Variants in METTL15 observed in about 807,000 individuals in gnomAD.
The protein encoded by METTL15 is 12S rRNA N(4)-cytidine methyltransferase METTL15.
Under a neutral mutation model 38.3 loss-of-function variants are expected in METTL15, and 34 were observed. The ratio of observed to expected loss-of-function variants is 0.89; its 90% CI spans 0.68 to 1.18. The LOEUF (loss-of-function observed/expected upper bound fraction) is 1.18, where lower values mean the gene tolerates loss of function less well. Among genes scored for constraint, METTL15 ranks in the 50% most tolerant of loss-of-function variants. The probability of loss-of-function intolerance (pLI) is 0.00; values close to 1 mark genes in which losing one functional copy is unlikely to be tolerated. For synonymous variants in METTL15, 162 were observed against 170.9 expected (o/e 0.95, Z 0.41); for missense variants, 438 against 498.4 (o/e 0.88, Z 1.15).
chr11:28,319,627 A>G (rs1018577490), intron 6 of METTL15, among the ~76,000 whole-genome samples: 1 of 152,136 alleles, frequency 6.6e-6, no homozygotes. Flanking sequence ...ACTTCTCAGA[A>G]TTTTTGTAAG....
rs191965303 is a variant in METTL15 at position 28,487,635 on chromosome 11, T to A, written c.*425-38843T>A. On this transcript the variant is annotated intron_variant and NMD_transcript_variant, in intron 6 of 7. Transcript: ENST00000532947. ...ATAAAAAAGCTTATTTTAAACTTTTTAAAATTTTTTATTTTAAACTATAAA... is the reference window on the plus strand; with the variant it reads ...ATAAAAAAGCTTATTTTAAACTTTTAAAAATTTTTTATTTTAAACTATAAA... Among the ~76,000 whole-genome samples the A allele has an allele frequency of 3.9e-5, 6 of 152,248 alleles. No individual in the cohort carries two copies. The East Asian group carries it at 9.6e-4, about 24-fold the overall frequency.
At chr11:28,405,980 T>C (rs1850670407) in intron 5 of METTL15, among the ~76,000 whole-genome samples, 1 of 152,218 alleles carries the variant, frequency 6.6e-6, no homozygotes, top group South Asian at 2.1e-4. Flanking sequence ...TCTGTTTTTG[T>C]ACTAGTACCA....
At chr11:28,250,085 T>C (rs758976011) in intron 4 of METTL15, among the ~76,000 whole-genome samples, 1 of 152,108 alleles carries the variant, frequency 6.6e-6, no homozygotes, top group South Asian at 2.1e-4. Context: ...TAGTATTCCT[T>C]GGTCTATATG....
intron 3 of METTL15, among the ~76,000 whole-genome samples, chr11:28,340,465 A>C (rs1849940314): frequency 6.6e-6 from 1 of 152,206 alleles, no homozygotes; most frequent in Non-Finnish European, 1.5e-5. Flanking sequence ...CAAGGAACTT[A>C]AACAAATTTA....
chr11:28,475,409 C>G (rs1436246265), intron 6 of METTL15, among the ~76,000 whole-genome samples: 1 of 152,058 alleles, frequency 6.6e-6, no homozygotes, highest in African/African-American at 2.4e-5. Context: ...TCCAAGATTT[C>G]TACTTACTTA....
At chr11:28,153,747 A>G (rs1850171261) in intron 3 of METTL15, among the ~76,000 whole-genome samples, 1 of 152,152 alleles carries the variant, frequency 6.6e-6, no homozygotes, top group Admixed American at 6.6e-5. Context: ...TAGAAAATCC[A>G]ACAGATAAAA....
At chr11:28,496,252 G>T (rs1007244965) in intron 6 of METTL15, among the ~76,000 whole-genome samples, 4 of 152,178 alleles carry the variant, frequency 2.6e-5, no homozygotes, top group African/African-American at 2.4e-5. Context: ...ATGGTGGCAG[G>T]CAAGAAAGCT....
intron 4 of METTL15, among the ~76,000 whole-genome samples, chr11:28,358,685 T>C (rs1850110541): frequency 6.6e-6 from 1 of 152,200 alleles, no homozygotes; most frequent in South Asian, 2.1e-4. Context: ...TCACAATGTA[T>C]GAATGTCTTA....
downstream of METTL15, among the ~76,000 whole-genome samples, chr11:28,337,838 T>C (rs1029308284): frequency 2.6e-5 from 4 of 152,184 alleles, no homozygotes; most frequent in African/African-American, 9.6e-5. Context: ...AAGGCTATAC[T>C]ATCTAGGTTT....
At chr11:28,132,214 CT>C (rs554421242) in intron 3 of METTL15, among the ~76,000 whole-genome samples, 1 of 152,038 alleles carries the variant, frequency 6.6e-6, no homozygotes, top group South Asian at 2.1e-4. Context: ...AAACGAACCT[CT>C]TTTTTTGCCC....
At chr11:28,449,860 C>G (rs910021502) in intron 6 of METTL15, among the ~76,000 whole-genome samples, 5 of 152,246 alleles carry the variant, frequency 3.3e-5, no homozygotes, top group Non-Finnish European at 7.4e-5. Flanking sequence ...TCCAGCTGTT[C>G]CTGCCAAGGC....
At chr11:28,430,407 G>T (rs868095118) in intron 6 of METTL15, among the ~76,000 whole-genome samples, 1 of 64,018 alleles carries the variant, frequency 1.6e-5, no homozygotes, top group African/African-American at 5.8e-5. Flanking sequence ...CAGCCGCCCC[G>T]TCCGGGAGGT....
intron 3 of METTL15, among the ~76,000 whole-genome samples, chr11:28,180,860 C>T (rs1851257200): frequency 6.6e-6 from 1 of 151,674 alleles, no homozygotes; most frequent in Non-Finnish European, 1.5e-5. Context: ...CTGACAACTG[C>T]CATTAAGTGT....
chr11:28,289,366 T>C (rs1008902884), intron 4 of METTL15, among the ~76,000 whole-genome samples: 1 of 152,168 alleles, frequency 6.6e-6, no homozygotes, highest in Admixed American at 6.6e-5. Flanking sequence ...ACATACCATG[T>C]AAGTAAATAT....
At chr11:28,474,073 A>G (rs1257052347) in intron 6 of METTL15, among the ~76,000 whole-genome samples, 6 of 151,996 alleles carry the variant, frequency 3.9e-5, no homozygotes, top group Admixed American at 3.9e-4. Context: ...CTACTGCCTC[A>G]TCTTGTACAT....
intron 6 of METTL15, among the ~76,000 whole-genome samples, chr11:28,474,867 T>A (rs1851332390): frequency 6.6e-6 from 1 of 152,170 alleles, no homozygotes; most frequent in Non-Finnish European, 1.5e-5. Flanking sequence ...CAGTTACTAA[T>A]GGTGGTACTT....
intron 5 of METTL15, among the ~76,000 whole-genome samples, chr11:28,378,422 G>T (rs925760828): frequency 2.6e-5 from 4 of 152,200 alleles, no homozygotes; most frequent in Non-Finnish European, 1.5e-5. Flanking sequence ...GATTTTCCAG[G>T]TGCCATTCGT....
chr11:28,393,872 A>T (rs549409299), intron 5 of METTL15, among the ~76,000 whole-genome samples: 16 of 152,196 alleles, frequency 1.1e-4, no homozygotes, highest in African/African-American at 3.4e-4. Flanking sequence ...ATTCTTTAGA[A>T]CTTAGGTGTT....
At chr11:28,497,196 TTCTTTA>T (rs1851541858) in intron 6 of METTL15, among the ~76,000 whole-genome samples, 1 of 152,238 alleles carries the variant, frequency 6.6e-6, no homozygotes, top group Non-Finnish European at 1.5e-5. Context: ...TACTCACTTT[TTCTTTA>T]GCTTTGTATC....
Sources: gnomAD v4.1 joint callset for allele counts (sites outside exome capture counted in the v4.1 genomes callset) on GRCh38, gnomAD v4.1.1 for gene constraint, MANE v1.5 for transcripts, NCBI Gene and HGNC (gene_info 2026-07-23, HGNC 2026-07-21) for gene names.